Variants in PARD3B observed in about 807,000 individuals in gnomAD.
PARD3B encodes par-3 family cell polarity regulator beta, also known as partitioning defective 3 homolog B.
Under a neutral mutation model 130.2 loss-of-function variants are expected in PARD3B, and 103 were observed. That is an observed-to-expected ratio of 0.79 (90% CI 0.67 to 0.93). The LOEUF (loss-of-function observed/expected upper bound fraction) is 0.93, where lower values mean the gene tolerates loss of function less well. Among genes scored for constraint, PARD3B ranks in the 40% least tolerant of loss-of-function variants. The pLI is 0.00. For missense variants in PARD3B, 1,609 were observed against 1,499.2 expected, an observed-to-expected ratio of 1.07 and a Z score of -1.21; for synonymous variants, 583 against 553.2, an observed-to-expected ratio of 1.05 and a Z score of -0.76.
At chr2:205,462,985 C>T (rs1198267239) in intron 20 of PARD3B, among the ~76,000 whole-genome samples, 1 of 152,128 alleles carries the variant, frequency 6.6e-6, no homozygotes, top group African/African-American at 2.4e-5. Flanking sequence ...CTATCTGACA[C>T]CTGTAAAATT....
intron 2 of PARD3B, among the ~76,000 whole-genome samples, chr2:204,889,861 A>G (rs1013038031): frequency 6.2e-5 from 9 of 144,182 alleles, no homozygotes; most frequent in East Asian, 2.0e-4. Flanking sequence ...CCAGAGTAAC[A>G]TACGGAAAGT....
intron 2 of PARD3B, among the ~76,000 whole-genome samples, chr2:204,718,503 A>G (rs115232983): frequency 5.2e-4 from 79 of 152,234 alleles, no homozygotes; most frequent in African/African-American, 1.9e-3. Flanking sequence ...TCGTGAGAAC[A>G]GCATAGGGGA....
chr2:204,837,157 C>A (rs951628999), intron 2 of PARD3B, among the ~76,000 whole-genome samples: 2 of 152,036 alleles, frequency 1.3e-5, no homozygotes, highest in Non-Finnish European at 2.9e-5. Flanking sequence ...AACATACATT[C>A]TAGTAATAAC....
In PARD3B at chr2:204,673,171, G is replaced by A. The variant is rs1386557755; in HGVS notation, c.121-13010G>A. On this transcript the variant is annotated intron_variant, in intron 1 of 22. Transcript: ENST00000406610. This position sits in a 1 kb window ranked among gnomAD's most constrained non-coding sequence, Gnocchi z 4.7. ...TATGCTGAATTATCCTATTTATGTG[G>A]CACATGCCCAGCCAATCCTGCTGTG... 6.6e-6 allele frequency among the ~76,000 whole-genome samples: 1 copy of A among 152,064 alleles called. No homozygotes were observed. The highest frequency in any genetic ancestry group is 2.4e-5 in the African/African-American group (1 of 41,404).
intron 4 of PARD3B, among the ~76,000 whole-genome samples, chr2:205,054,428 ATATATATATTTTTTT>A (rs1481032947): frequency 6.9e-4 from 22 of 31,830 alleles, no homozygotes; most frequent in South Asian, 3.4e-3. Flanking sequence ...ATATATATAT[ATATATATATTTTTTT>A]TTTTTTTTTT....
intron 9 of PARD3B, 104 bp downstream of exon 9, chr2:205,124,570 G>C: frequency 1.2e-6 from 1 of 827,926 alleles, no homozygotes; most frequent in Non-Finnish European, 1.6e-6. Context: ...TTTTTATTTT[G>C]AACCTAATAT....
intron 1 of PARD3B, among the ~76,000 whole-genome samples, chr2:204,651,570 T>C (rs1559030868): frequency 6.6e-6 from 1 of 152,232 alleles, no homozygotes; most frequent in Non-Finnish European, 1.5e-5. Flanking sequence ...TCTGTGACTT[T>C]CCTAGACACA....
intron 2 of PARD3B, among the ~76,000 whole-genome samples, chr2:204,847,293 A>G (rs1311822103): frequency 2.0e-5 from 3 of 151,426 alleles, no homozygotes; most frequent in Non-Finnish European, 2.9e-5. Flanking sequence ...AAGCCACCAT[A>G]AGAAATATGC....
At chr2:205,552,494 T>C (rs904059616) in intron 21 of PARD3B, among the ~76,000 whole-genome samples, 1 of 152,150 alleles carries the variant, frequency 6.6e-6, no homozygotes, top group Non-Finnish European at 1.5e-5. Flanking sequence ...CTGCAACCTC[T>C]GCCTCCCGGG....
rs1159879544 is a variant in PARD3B at position 205,369,328 on chromosome 2, A to AT, written c.2631-31681dup. Among the ~76,000 whole-genome samples the AT allele has an allele frequency of 1.4e-4, 21 of 151,848 alleles. 1 individual carries two copies. Among genetic ancestry groups the AT allele is most frequent in the Admixed American group, 1.4e-3 (21 of 15,248 alleles). On this transcript the variant is annotated intron_variant, in intron 18 of 22. Coordinates refer to ENST00000406610, the MANE Select transcript of PARD3B (RefSeq NM_001302769.2). ...CCTTATTCTCCTAATTCAGACATTT[A>AT]TTTTCTCTCCCTAGTGTCATGGGCT...
intron 20 of PARD3B, among the ~76,000 whole-genome samples, chr2:205,449,009 A>G (rs1251327127): frequency 6.6e-6 from 1 of 151,830 alleles, no homozygotes; most frequent in East Asian, 2.0e-4. Context: ...TCTACTAAAA[A>G]TACAAAATTA....
chr2:204,868,073 T>C (rs2045494171), intron 2 of PARD3B, among the ~76,000 whole-genome samples: 1 of 152,128 alleles, frequency 6.6e-6, no homozygotes, highest in African/African-American at 2.4e-5. Flanking sequence ...GCATTGAACA[T>C]TGTGAAAGAT....
At chr2:205,195,275 G>A (rs1040288222) in intron 15 of PARD3B, among the ~76,000 whole-genome samples, 6 of 152,022 alleles carry the variant, frequency 3.9e-5, no homozygotes, top group Non-Finnish European at 7.4e-5. Flanking sequence ...GTCAGGTTAC[G>A]AGCTATTTTC....
At chr2:204,883,956 C>T (rs990594717) in intron 2 of PARD3B, among the ~76,000 whole-genome samples, 3 of 151,720 alleles carry the variant, frequency 2.0e-5, no homozygotes, top group Non-Finnish European at 4.4e-5. Flanking sequence ...TCAGGCTGAT[C>T]TTGAACTCCT....
chr2:205,363,563 C>G (rs1315823844), intron 18 of PARD3B, among the ~76,000 whole-genome samples: 1 of 152,126 alleles, frequency 6.6e-6, no homozygotes, highest in Non-Finnish European at 1.5e-5. Context: ...TGAATAAGAC[C>G]AGACATAGAA....
intron 10 of PARD3B, among the ~76,000 whole-genome samples, chr2:205,132,049 C>G (rs2032050909): frequency 6.6e-6 from 1 of 152,176 alleles, no homozygotes; most frequent in East Asian, 1.9e-4. Flanking sequence ...ACCCAAGAGA[C>G]TAGTTGTTAG....
Position 205,480,699 on chromosome 2 carries a change from C to T in PARD3B, c.3045-19197C>T, listed in dbSNP as rs76515498. Among the ~76,000 whole-genome samples the T allele has an allele frequency of 1.5e-3, 235 of 152,286 alleles. 2 individuals are homozygous for T. The highest frequency in any genetic ancestry group is 5.1e-3 in the African/African-American group (214 of 41,566). ...CCTGCCACTGGTAAAACAGCCTGAA[C>T]AGGACCTAGTAGCTCCGTGCTCTCA... is the stretch of plus-strand genomic sequence containing the variant. On this transcript the variant is annotated intron_variant, in intron 20 of 22. Coordinates refer to ENST00000406610, the MANE Select transcript of PARD3B (RefSeq NM_001302769.2).
At chr2:205,210,997 A>G (rs2125848276) in intron 15 of PARD3B, among the ~76,000 whole-genome samples, 1 of 152,268 alleles carries the variant, frequency 6.6e-6, no homozygotes, top group East Asian at 1.9e-4. Flanking sequence ...TCTGAAGTAC[A>G]TGCTAATGAA....
chr2:204,736,450 C>A (rs2039758192), intron 2 of PARD3B, among the ~76,000 whole-genome samples: 1 of 151,984 alleles, frequency 6.6e-6, no homozygotes, highest in Non-Finnish European at 1.5e-5. Flanking sequence ...TCCTGAGTCT[C>A]TAATGTCTAT....
Sources: gnomAD v4.1 joint callset for allele counts (sites outside exome capture counted in the v4.1 genomes callset) on GRCh38, gnomAD v4.1.1 for gene constraint, Gnocchi (gnomAD v3.1) non-coding constraint, MANE v1.5 for transcripts, NCBI Gene and HGNC (gene_info 2026-07-23, HGNC 2026-07-21) for gene names.